The following TRIM64C variants were observed in gnomAD, a reference collection of about 807,000 sequenced individuals.
The protein encoded by TRIM64C is tripartite motif containing 64C.
TRIM64C carries 25 observed loss-of-function variants against 36.1 expected under a neutral mutation model. The ratio of observed to expected loss-of-function variants is 0.69; its 90% CI spans 0.51 to 0.97. The LOEUF is 0.97. Ranked by LOEUF, TRIM64C falls within the 50% of genes least tolerant of loss-of-function variation. TRIM64C has a pLI of 0.00. For missense variants in TRIM64C, 489 were observed against 536.8 expected (o/e 0.91, Z 0.88); for synonymous variants, 212 against 185.7 (o/e 1.14, Z -1.15).
At position 49,058,148 on chromosome 11, in the gene TRIM64C, T is replaced by C; in HGVS notation, c.437A>G (p.Tyr146Cys). 6.5e-7 allele frequency: 1 copy of C among 1,529,732 alleles called. No individual in the cohort carries two copies. The highest frequency in any genetic ancestry group is 8.7e-7 in the Non-Finnish European group (1 of 1,144,112). The allele number at this position is 1,529,732 out of a possible 1,614,324, so 94.8% of individuals were successfully genotyped here. A position where few individuals can be genotyped will look rare whatever the true frequency, so the allele number is the denominator to read the frequency against. ...TGTCTCTTGATTGATTTTCCATAAA[T>C]AGTCCATTTCCTTTATAAGTTTCTC... ...RVQKLIKEMDYLWKINQETQN... is the reference protein window; with the variant it reads ...RVQKLIKEMDCLWKINQETQN... Residue 146 changes from tyrosine to cysteine, a missense_variant, in exon 2 of 6, where the codon TAT (tyrosine) becomes TGT (cysteine). Physicochemically the swap from Tyr to Cys is radical, Grantham distance 194. Coordinates refer to ENST00000617704, the MANE Select transcript of TRIM64C (RefSeq NM_001206631.1).
chr11:49,056,839 A>T (rs1295363070), intron 3 of TRIM64C, among the ~76,000 whole-genome samples: 2 of 151,958 alleles, frequency 1.3e-5, no homozygotes, highest in Non-Finnish European at 2.9e-5. Context: ...GAACTAGGGC[A>T]TATACATGGA....
In TRIM64C at chr11:49,055,346, T is replaced by G. The variant is rs7932199; in HGVS notation, c.823A>C (p.Ile275Leu). 225,528 of 1,535,688 alleles carry G rather than the reference T, an allele frequency of 0.15. 17,784 individuals are homozygous for G. Among genetic ancestry groups the G allele is most frequent in the African/African-American group, 0.28 (20,436 of 73,014 alleles). Residue 275 changes from isoleucine to leucine, a missense_variant, in exon 5 of 6, where the codon ATA becomes CTA. Transcript: ENST00000617704. Reference sequence around the variant, plus strand: ...TTGAGCATGTCTAGGACTCCAGTTATGCACCATGAAGTGAGCTCTGGGTTC... The same window carrying G: ...TTGAGCATGTCTAGGACTCCAGTTAGGCACCATGAAGTGAGCTCTGGGTTC... ...PVNPELTSWC[I>L]TGVLDMLNNF...
intron 5 of TRIM64C, 55 bp from the exon 6 acceptor site, chr11:49,054,262 G>A (rs1854787136): frequency 6.6e-7 from 1 of 1,504,856 alleles, no homozygotes; most frequent in African/African-American, 1.4e-5. Flanking sequence ...GAGGCTCTGT[G>A]GCCCAATTAT....
rs576395806 is a variant in TRIM64C at position 49,059,005 on chromosome 11, C to T, written c.108G>A (p.Arg36=). ...VTTDCVHSFC[R]PCLCLCSEEG... is the part of the protein sequence containing the mutation. Reference sequence around the variant, plus strand: ...CTTCTGAGCAGAGGCAGAGGCAGGGCCTGCAAAAGCTGTGCACACAGTCAG... The same window carrying T: ...CTTCTGAGCAGAGGCAGAGGCAGGGTCTGCAAAAGCTGTGCACACAGTCAG... The change falls in exon 1 of 6, where the codon AGG becomes AGA. Residue 36 remains arginine, a synonymous_variant. Transcript: ENST00000617704. 5.0e-5 allele frequency: 77 copies of T among 1,551,592 alleles called. No homozygotes were observed. The East Asian group carries it at 1.1e-3, about 22-fold the overall frequency.
intron 1 of TRIM64C, 71 bp downstream of exon 1, chr11:49,058,630 C>A: frequency 1.3e-6 from 2 of 1,527,950 alleles, no homozygotes; most frequent in Non-Finnish European, 1.8e-6. Flanking sequence ...TTCTCATCAC[C>A]ATCATTATCA....
At chr11:49,057,442 T>C in intron 2 of TRIM64C, 64 bp from the exon 3 acceptor site, 2 of 1,494,384 alleles carry the variant, frequency 1.3e-6, no homozygotes, top group East Asian at 2.5e-5. Flanking sequence ...TTCAAATAAT[T>C]ATATGCTGGG....
In TRIM64C at chr11:49,053,836, G is replaced by A. The variant is rs1173685588; in HGVS notation, c.1231C>T (p.Leu411=). 1.9e-6 allele frequency: 3 copies of A among 1,551,700 alleles called. No homozygotes were observed. The highest frequency in any genetic ancestry group is 2.0e-5 in the Admixed American group (1 of 50,978). ...CTCACAGATCCATTATCATAATCCA[G>A]AAACACCCCAACCCAACCCAGAGGC... The part of the protein sequence containing the change: ...QRPLGWVGVF[L]DYDNGSVSFF... The change falls in exon 6 of 6, where the codon CTG becomes TTG. Residue 411 remains leucine, a synonymous_variant. Transcript: ENST00000617704.
chr11:49,056,150 T>A (rs73471251), intron 4 of TRIM64C, among the ~76,000 whole-genome samples: 2,030 of 151,282 alleles, frequency 0.013, 113 homozygotes, highest in African/African-American at 0.047. Context: ...AACTTCCGAA[T>A]GGCAAATTGT....
chr11:49,054,183 A>C lies in TRIM64C; in HGVS notation c.884T>G (p.Met295Arg). ...AGAAAGGCTTATATAGCAAGGAGTC[A>C]TTTCTGTACTCAGAGCATTATCCAC... ...FRVDNALSTE[M>R]TPCYISLSED... is the part of the protein sequence containing the mutation. The change falls in exon 6 of 6, where the codon ATG (methionine) becomes AGG (arginine). Residue 295 changes from methionine to arginine, a missense_variant. By Grantham distance (91) the Met-to-Arg change is moderately conservative. Transcript: ENST00000617704. 9 of 1,551,514 alleles carry C rather than the reference A, an allele frequency of 5.8e-6. No individual in the cohort carries two copies. The highest frequency in any genetic ancestry group is 7.8e-6 in the Non-Finnish European group (9 of 1,146,818).
At position 49,053,976 on chromosome 11, in the gene TRIM64C, G is replaced by A. The variant is rs774769010; in HGVS notation, c.1091C>T (p.Ala364Val). ...ILGVCRDSRT[A>V]DTNIVIDSDK... The stretch of plus-strand genomic sequence containing the variant: ...AGAATCAATAACTATATTGGTATCT[G>A]CTGTCCTAGAATCTCGACAGACTCC... The change falls in exon 6 of 6, where the codon GCA becomes GTA. Residue 364 changes from alanine (A) to valine (V), a missense_variant. Physicochemically the swap from Ala to Val is moderately conservative, Grantham distance 64. Transcript: ENST00000617704. The A allele has an allele frequency of 1.3e-6, 2 of 1,551,584 alleles. No homozygotes were observed. The highest frequency in any genetic ancestry group is 2.4e-5 in the South Asian group (2 of 84,052).
At chr11:49,057,102 T>C (rs1470294508) in intron 3 of TRIM64C, 46 bp downstream of exon 3, 3 of 1,547,838 alleles carry the variant, frequency 1.9e-6, no homozygotes, top group Non-Finnish European at 2.6e-6. Flanking sequence ...GGCAGCATTG[T>C]CCAGCAAAGG....
chr11:49,056,697 A>G (rs1300609454), intron 3 of TRIM64C, among the ~76,000 whole-genome samples: 1 of 151,898 alleles, frequency 6.6e-6, no homozygotes, highest in African/African-American at 2.4e-5. Flanking sequence ...TATTAAAACA[A>G]AACAGAGAAC....
Sources: gnomAD v4.1 joint callset for allele counts (sites outside exome capture counted in the v4.1 genomes callset) on GRCh38, gnomAD v4.1.1 for gene constraint, MANE v1.5 for transcripts, NCBI Gene and HGNC (gene_info 2026-07-23, HGNC 2026-07-21) for gene names.